SF3B2: variants seen among roughly 807,000 people sequenced by gnomAD.
SF3B2 encodes splicing factor 3b subunit 2.
SF3B2 carries 22 observed loss-of-function variants against 116.3 expected under a neutral mutation model. The ratio of observed to expected loss-of-function variants is 0.19; its 90% CI spans 0.14 to 0.27. The LOEUF is 0.27. SF3B2 is among the 10% of genes least tolerant of loss of function. The pLI is 1.00. For missense variants in SF3B2, 767 were observed against 1,151.4 expected (o/e 0.67, Z 4.83); for synonymous variants, 406 against 421.6 (o/e 0.96, Z 0.45).
At chr11:66,058,271 G>T in intron 8 of SF3B2, 43 bp from the exon 9 acceptor site, 1 of 1,589,024 alleles carries the variant, frequency 6.3e-7, no homozygotes, top group Non-Finnish European at 8.6e-7. Context: ...CGAGTGCAGG[G>T]CAGTGGCACC....
intron 21 of SF3B2, 36 bp downstream of exon 21, chr11:66,068,369 C>T: frequency 6.6e-7 from 1 of 1,520,862 alleles, no homozygotes; most frequent in Non-Finnish European, 8.8e-7. Context: ...TGGGTGAGAG[C>T]CAGGGACCCT....
At chr11:66,056,623 C>A (rs1856999462) in intron 5 of SF3B2, among the ~76,000 whole-genome samples, 4 of 152,044 alleles carry the variant, frequency 2.6e-5, no homozygotes, top group Non-Finnish European at 5.9e-5. Context: ...CTGGGGTTTT[C>A]CTTGGTGTTA....
intron 16 of SF3B2, 37 bp downstream of exon 16, chr11:66,062,035 T>C: frequency 1.3e-6 from 2 of 1,489,268 alleles, no homozygotes; most frequent in South Asian, 1.2e-5. Flanking sequence ...TGGCCATTTC[T>C]GCTTTTGAAC....
At chr11:66,064,370 A>T (rs1433497283) in intron 19 of SF3B2, among the ~76,000 whole-genome samples, 1 of 152,134 alleles carries the variant, frequency 6.6e-6, no homozygotes, top group Non-Finnish European at 1.5e-5. Flanking sequence ...TCATGTCTTT[A>T]TCAGGATCTA....
chr11:66,068,700 G>A lies in SF3B2; in HGVS notation c.2643G>A (p.Gln881=). The change falls in exon 22 of 22, where the codon CAG becomes CAA. Residue 881 remains glutamine (Q), a synonymous_variant. Transcript: ENST00000322535. The part of the protein sequence containing the change: ...QKQKKRKAQP[Q]DSRGGSKKYK... ...AAAAAAAACGGAAAGCTCAGCCCCA[G>A]GACAGCCGTGGGGGCAGCAAGAAAT... is the stretch of plus-strand genomic sequence containing the variant. 1 of 1,614,064 alleles carries A rather than the reference G, an allele frequency of 6.2e-7. No homozygotes were observed. The highest frequency in any genetic ancestry group is 8.5e-7 in the Non-Finnish European group (1 of 1,180,006).
At position 66,061,878 on chromosome 11, in the gene SF3B2, C is replaced by T. The variant is rs766994670; in HGVS notation, c.1870-13C>T. The T allele has an allele frequency of 6.2e-7, 1 of 1,611,388 alleles. No homozygotes were observed. Among genetic ancestry groups the T allele is most frequent in the Non-Finnish European group, 8.5e-7 (1 of 1,177,850 alleles). ...GGTTTGGCAGATGGTATCCTGTTCT[C>T]TTTTTCCTGCAGAATGCCCACAAGG... is the stretch of plus-strand genomic sequence containing the variant. On this transcript the variant is annotated splice_polypyrimidine_tract_variant and intron_variant, in intron 15 of 21. Coordinates refer to ENST00000322535, the MANE Select transcript of SF3B2 (RefSeq NM_006842.3).
chr11:66,068,324 C>G lies in SF3B2; in HGVS notation c.2607C>G (p.Ala869=). The G allele has an allele frequency of 6.2e-7, 1 of 1,610,990 alleles. No homozygotes were observed. The highest frequency in any genetic ancestry group is 8.5e-7 in the Non-Finnish European group (1 of 1,179,236). ...DFSDMVAEHA[A]KQKQKKRKAQ... The stretch of plus-strand genomic sequence containing the variant: ...GTGACATGGTGGCTGAGCACGCTGC[C>G]AAACAGAAGGTAGGCGCTTCCAGGG... The change falls in exon 21 of 22, where the codon GCC becomes GCG. Residue 869 remains alanine (A), a synonymous_variant. Transcript: ENST00000322535.
Position 66,063,612 on chromosome 11 carries a change from G to A in SF3B2, c.2229-16G>A, listed in dbSNP as rs1436901236. Reference sequence around the variant, plus strand: ...GGTCCTTCTCTTTACTCCAGAGCTTGTTCCTCTCTTTACAGTGGCCTTATC... The same window carrying A: ...GGTCCTTCTCTTTACTCCAGAGCTTATTCCTCTCTTTACAGTGGCCTTATC... On this transcript the variant is annotated splice_polypyrimidine_tract_variant and intron_variant, in intron 18 of 21. Coordinates refer to ENST00000322535, the MANE Select transcript of SF3B2 (RefSeq NM_006842.3). The A allele has an allele frequency of 1.2e-6, 2 of 1,611,146 alleles. No individual in the cohort carries two copies. The highest frequency in any genetic ancestry group is 2.7e-5 in the African/African-American group (2 of 74,896).
chr11:66,062,055 A>G, intron 16 of SF3B2, 57 bp downstream of exon 16: 1 of 1,293,946 alleles, frequency 7.7e-7, no homozygotes, highest in Non-Finnish European at 1.1e-6. Flanking sequence ...CTGGAAGGTA[A>G]TTTGTTTGTT....
Position 66,068,349 on chromosome 11 carries a change from G to T in SF3B2, c.2616+16G>T. 1 of 1,587,202 alleles carries T rather than the reference G, an allele frequency of 6.3e-7. No homozygotes were observed. Among genetic ancestry groups the T allele is most frequent in the Non-Finnish European group, 8.6e-7 (1 of 1,168,324 alleles). The stretch of plus-strand genomic sequence containing the variant: ...CAAACAGAAGGTAGGCGCTTCCAGG[G>T]GCGCTGGGCTGGGTGAGAGCCAGGG... On this transcript the variant is annotated intron_variant, in intron 21 of 21. Coordinates refer to ENST00000322535, the MANE Select transcript of SF3B2 (RefSeq NM_006842.3).
intron 16 of SF3B2, 28 bp from the exon 17 acceptor site, chr11:66,062,981 T>G: frequency 6.6e-7 from 1 of 1,522,174 alleles, no homozygotes; most frequent in East Asian, 2.3e-5. Context: ...AGCTAAGGAG[T>G]GAACTGATTG....
chr11:66,055,496 G>C (rs1316596251), intron 4 of SF3B2, 39 bp from the exon 5 acceptor site: 3 of 1,612,024 alleles, frequency 1.9e-6, no homozygotes, highest in East Asian at 2.2e-5. Context: ...TTGGCGTGTT[G>C]GGTATTGGTG....
At chr11:66,068,459 A>G in intron 21 of SF3B2, 126 bp downstream of exon 21, 4 of 1,075,878 alleles carry the variant, frequency 3.7e-6, no homozygotes, top group East Asian at 5.2e-5. Flanking sequence ...GTGCTTCCTT[A>G]GATTTGGAAG....
At chr11:66,055,862 AGCAACCC>A (rs1856984789) in intron 5 of SF3B2, 3 of 444,978 alleles carry the variant, frequency 6.7e-6, no homozygotes, top group Non-Finnish European at 7.9e-6. Flanking sequence ...GAGTCTGTAC[AGCAACCC>A]ATAAAGCCTA....
In SF3B2 at chr11:66,052,416, C is replaced by T; in HGVS notation, c.32C>T (p.Ala11Val). The T allele has an allele frequency of 6.2e-7, 1 of 1,613,034 alleles. No individual in the cohort carries two copies. Among genetic ancestry groups the T allele is most frequent in the Non-Finnish European group, 8.5e-7 (1 of 1,179,870 alleles). The stretch of plus-strand genomic sequence containing the variant: ...ACGGAGCATCCCGAGCCTCCCAAAG[C>T]AGAATTGCAGCTGCCGCCGCCGCCA... Reference protein sequence around the residue: MATEHPEPPKAELQLPPPPPP... With the variant: MATEHPEPPKVELQLPPPPPP... The change falls in exon 1 of 22, where the codon GCA becomes GTA. Residue 11 changes from alanine to valine, a missense_variant. By Grantham distance (64) the Ala-to-Val change is moderately conservative. Around this residue, in one of 4 missense-constraint regions of SF3B2, gnomAD observed 455 missense variants for 537.5 expected, o/e 0.85. Coordinates refer to ENST00000322535, the MANE Select transcript of SF3B2 (RefSeq NM_006842.3).
chr11:66,068,817 C>G lies in SF3B2; in HGVS notation c.*72C>G. On this transcript the variant is annotated 3_prime_UTR_variant, in exon 22 of 22. Transcript: ENST00000322535. ...GGCTTCACACAAGAACCACCTCTCC[C>G]GCAGTTCCCAAGGACTTGTCATTTC... 1 of 1,177,360 alleles carries G rather than the reference C, an allele frequency of 8.5e-7. No homozygotes were observed. The highest frequency in any genetic ancestry group is 1.3e-6 in the Non-Finnish European group (1 of 793,894). 72.9% of individuals were successfully genotyped at this position (1,177,360 alleles called of 1,614,324 possible). A position where few individuals can be genotyped will look rare whatever the true frequency, so the allele number is the denominator to read the frequency against.
chr11:66,055,771 C>T, intron 5 of SF3B2, 186 bp downstream of exon 5: 1 of 587,974 alleles, frequency 1.7e-6, no homozygotes, highest in Admixed American at 3.2e-5. Context: ...CTGTGGCCTG[C>T]ATGTGTATGG....
Position 66,059,382 on chromosome 11 carries a change from A to T in SF3B2, c.1320+44A>T. The T allele has an allele frequency of 6.2e-7, 1 of 1,612,878 alleles. No individual in the cohort carries two copies. Among genetic ancestry groups the T allele is most frequent in the Non-Finnish European group, 8.5e-7 (1 of 1,179,184 alleles). Reference sequence around the variant, plus strand: ...GGTGGGAAGCAGGGACTCTGGGCACAGGTGGCTGAGATGCATCCAGAGAGG... The same window carrying T: ...GGTGGGAAGCAGGGACTCTGGGCACTGGTGGCTGAGATGCATCCAGAGAGG... On this transcript the variant is annotated intron_variant, in intron 11 of 21. Transcript: ENST00000322535. This position sits in a 1 kb window ranked among gnomAD's most constrained non-coding sequence, Gnocchi z 5.0.
rs1198370563 is a variant in SF3B2 at position 66,063,122 on chromosome 11, G to A, written c.2085+6G>A. ...CCAATGCTGCTGAATTTCAGGTATG[G>A]GCCATGTACTAGCGATCTTGGTTTT... is the stretch of plus-strand genomic sequence containing the variant. On this transcript the variant is annotated splice_donor_region_variant and intron_variant, in intron 17 of 21. Coordinates refer to ENST00000322535, the MANE Select transcript of SF3B2 (RefSeq NM_006842.3). 6.3e-6 allele frequency: 10 copies of A among 1,596,702 alleles called. No individual in the cohort carries two copies. Among genetic ancestry groups the A allele is most frequent in the East Asian group, 4.5e-5 (2 of 44,720 alleles).
Sources: gnomAD v4.1 joint callset for allele counts (sites outside exome capture counted in the v4.1 genomes callset) on GRCh38, gnomAD v4.1.1 for gene constraint, gnomAD v4.1.1 regional missense constraint, Gnocchi (gnomAD v3.1) non-coding constraint, MANE v1.5 for transcripts, NCBI Gene and HGNC (gene_info 2026-07-23, HGNC 2026-07-21) for gene names.